Variants in WNK1 observed in about 807,000 individuals in gnomAD.
The protein encoded by WNK1 is WNK lysine deficient protein kinase 1, also known as serine/threonine-protein kinase WNK1.
Under a neutral mutation model 222.8 loss-of-function variants are expected in WNK1, and 38 were observed. The observed-to-expected ratio is 0.17, with a 90% CI of 0.13 to 0.22. The LOEUF is 0.22. WNK1 is among the 10% of genes least tolerant of loss of function. WNK1 has a pLI of 1.00. For missense variants in WNK1, 2,348 were observed against 2,918.4 expected (o/e 0.80, Z 4.50); for synonymous variants, 1,090 against 1,092.9 (o/e 1.00, Z 0.05).
chr12:892,221 C>T (rs1954313343), intron 22 of WNK1, among the ~76,000 whole-genome samples: 1 of 151,988 alleles, frequency 6.6e-6, no homozygotes, highest in Non-Finnish European at 1.5e-5. Context: ...TGCCATCCCT[C>T]CCCCGTCCCA....
chr12:898,110 G>A (rs984135033), intron 25 of WNK1, among the ~76,000 whole-genome samples: 8 of 152,114 alleles, frequency 5.3e-5, no homozygotes, highest in African/African-American at 9.7e-5. Context: ...GAATGTAATC[G>A]TCATATAGAT....
chr12:903,636 G>C (rs72650778), intron 26 of WNK1, among the ~76,000 whole-genome samples: 1 of 152,128 alleles, frequency 6.6e-6, no homozygotes, highest in African/African-American at 2.4e-5. Context: ...AAATGAAAGT[G>C]GTCAGAAATA....
intron 4 of WNK1, among the ~76,000 whole-genome samples, chr12:834,163 G>A (rs970538063): frequency 4.6e-5 from 7 of 152,158 alleles, no homozygotes; most frequent in African/African-American, 1.4e-4. Context: ...GCCAAACACC[G>A]TAGTACAATG....
At position 897,696 on chromosome 12, in the gene WNK1, A is replaced by T; in HGVS notation, c.6448+15A>T. 1 of 1,613,262 alleles carries T rather than the reference A, an allele frequency of 6.2e-7. No homozygotes were observed. The highest frequency in any genetic ancestry group is 8.5e-7 in the Non-Finnish European group (1 of 1,179,374). Reference sequence around the variant, plus strand: ...CCAGCTTTCAGGTAAAAAGCCCTGGACTAGGTCAGCCACAGCTGTCCTATC... The same window carrying T: ...CCAGCTTTCAGGTAAAAAGCCCTGGTCTAGGTCAGCCACAGCTGTCCTATC... On this transcript the variant is annotated intron_variant, in intron 25 of 27. Coordinates refer to ENST00000315939, the MANE Select transcript of WNK1 (RefSeq NM_018979.4).
chr12:787,908 G>T (rs1397559561), intron 1 of WNK1, among the ~76,000 whole-genome samples: 1 of 152,140 alleles, frequency 6.6e-6, no homozygotes, highest in Non-Finnish European at 1.5e-5. Flanking sequence ...AAACCATTAG[G>T]AGATTTTGTA....
Position 885,639 on chromosome 12 carries a change from C to T in WNK1, c.4835C>T (p.Ala1612Val). ...GTACAGCCTGTTGCCAATGTGCCTGCTGTACAGCAGACACTAATTCATAGT... is the reference window on the plus strand; with the variant it reads ...GTACAGCCTGTTGCCAATGTGCCTGTTGTACAGCAGACACTAATTCATAGT... ...PLVQPVANVPAVQQTLIHSQP... is the reference protein window; with the variant it reads ...PLVQPVANVPVVQQTLIHSQP... The change falls in exon 19 of 28, where the codon GCT becomes GTT. Residue 1612 changes from alanine to valine, a missense_variant. Physicochemically the swap from Ala to Val is moderately conservative, Grantham distance 64 (BLOSUM62 0). Transcript: ENST00000315939. The T allele has an allele frequency of 1.2e-6, 2 of 1,614,176 alleles. No individual in the cohort carries two copies. Among genetic ancestry groups the T allele is most frequent in the South Asian group, 2.2e-5 (2 of 91,082 alleles).
intron 14 of WNK1, 82 bp downstream of exon 14, chr12:882,155 C>A: frequency 7.1e-7 from 1 of 1,410,486 alleles, no homozygotes; most frequent in Non-Finnish European, 9.8e-7. Context: ...CAAATCCAAA[C>A]CACTCACTTC....
At chr12:860,939 TGGCG>T in intron 6 of WNK1, 70 bp from the exon 7 acceptor site, 2 of 1,152,372 alleles carry the variant, frequency 1.7e-6, no homozygotes, top group Admixed American at 2.6e-5. Flanking sequence ...TTTTTTTTTT[TGGCG>T]GGGGGTGGTG....
rs1940869587 is a variant in WNK1, at chr12:760,540, A to G, written c.759+6216A>G. The stretch of plus-strand genomic sequence containing the variant: ...TAAGTGTTATATAAAATATAACAGA[A>G]TACTTAAATATTCATTTAGAAGGCT... On this transcript the variant is annotated intron_variant, in intron 1 of 27. Transcript: ENST00000315939. 1.4e-5 allele frequency among the ~76,000 whole-genome samples: 2 copies of G among 147,962 alleles called. 1 individual carries two copies. Among genetic ancestry groups the G allele is most frequent in the South Asian group, 4.4e-4 (2 of 4,550 alleles).
intron 1 of WNK1, among the ~76,000 whole-genome samples, chr12:774,632 C>A (rs888527882): frequency 2.0e-5 from 3 of 152,180 alleles, no homozygotes; most frequent in African/African-American, 7.2e-5. Flanking sequence ...ATGATAAGGG[C>A]ATGAACATTT....
chr12:850,941 G>GT (rs1312082767), intron 4 of WNK1, among the ~76,000 whole-genome samples: 1 of 152,032 alleles, frequency 6.6e-6, no homozygotes, highest in Non-Finnish European at 1.5e-5. Context: ...CTCTGTTTTG[G>GT]TACCAGTACC....
At position 910,711 on chromosome 12, in the gene WNK1, CACT is replaced by C. The variant is rs981097333; in HGVS notation, c.*1922_*1924del. 6.6e-6 allele frequency: 1 copy of C among 152,508 alleles called. No individual in the cohort carries two copies. Among genetic ancestry groups the C allele is most frequent in the African/African-American group, 2.4e-5 (1 of 41,444 alleles). The allele number at this position is 152,508 out of a possible 1,614,324, so 9.4% of individuals were successfully genotyped here. A position where few individuals can be genotyped will look rare whatever the true frequency, so the allele number is the denominator to read the frequency against. On this transcript the variant is annotated 3_prime_UTR_variant, in exon 28 of 28. Transcript: ENST00000315939. Reference sequence around the variant, plus strand: ...TTCTGGGAATCACCACCACCACCACCACTACCACAGAAAGAGGCTGGAGGCTCC... The same window carrying C: ...TTCTGGGAATCACCACCACCACCACCACCACAGAAAGAGGCTGGAGGCTCC...
At chr12:828,992 T>C (rs1204485148) in intron 3 of WNK1, among the ~76,000 whole-genome samples, 2 of 152,270 alleles carry the variant, frequency 1.3e-5, no homozygotes, top group Non-Finnish European at 2.9e-5. Context: ...CATTTTCTTA[T>C]AATACATTCA....
At chr12:879,513 C>CTTT (rs10717495) in intron 10 of WNK1, 60 bp from the exon 11 acceptor site, 732 of 402,488 alleles carry the variant, frequency 1.8e-3, no homozygotes, top group African/African-American at 4.7e-3. Context: ...GGCAGCCTTG[C>CTTT]TTTTTTTTTT....
intron 1 of WNK1, among the ~76,000 whole-genome samples, chr12:764,146 T>C (rs1039955455): frequency 2.0e-5 from 3 of 146,440 alleles, no homozygotes; most frequent in East Asian, 2.0e-4. Flanking sequence ...TATGAAGAGA[T>C]AGAAAAATTA....
At chr12:864,251 G>A (rs1222077167) in intron 8 of WNK1, among the ~76,000 whole-genome samples, 3 of 151,720 alleles carry the variant, frequency 2.0e-5, no homozygotes, top group Non-Finnish European at 4.4e-5. Context: ...AAGATTACAG[G>A]CACCCATCAC....
At position 861,210 on chromosome 12, in the gene WNK1, C is replaced by T. The variant is rs754028780; in HGVS notation, c.1818C>T (p.Leu606=). 1.2e-5 allele frequency: 19 copies of T among 1,613,924 alleles called. No homozygotes were observed. Among genetic ancestry groups the T allele is most frequent in the Non-Finnish European group, 1.4e-5 (17 of 1,180,016 alleles). ...SSASQTGIKQ[L]PSASTGIPTA... ...CTTCCCAGACAGGAATCAAGCAGCT[C>T]CCTTCTGCTAGCACCGGCATACCTA... Residue 606 remains leucine (L), a synonymous_variant, in exon 7 of 28, where the codon CTC becomes CTT. Coordinates refer to ENST00000315939, the MANE Select transcript of WNK1 (RefSeq NM_018979.4).
At chr12:896,883 C>G in intron 24 of WNK1, 151 bp downstream of exon 24, 1 of 582,436 alleles carries the variant, frequency 1.7e-6, no homozygotes, top group South Asian at 1.9e-5. Context: ...CCATACCTCC[C>G]CACCACACAC....
In WNK1 at chr12:911,076, CAAAA is replaced by C. The variant is rs1005268165; in HGVS notation, c.*2288_*2291del. On this transcript the variant is annotated 3_prime_UTR_variant, in exon 28 of 28. Transcript: ENST00000315939. Reference sequence around the variant, plus strand: ...ATTTTGACATCTTTTCACTCATACACAAAAAAAGTCAGAACTGGTGTTATTTACT... The same window carrying C: ...ATTTTGACATCTTTTCACTCATACACAAAGTCAGAACTGGTGTTATTTACT... 1.0e-5 allele frequency: 4 copies of C among 385,362 alleles called. No homozygotes were observed. Among genetic ancestry groups the C allele is most frequent in the East Asian group, 3.7e-5 (1 of 26,944 alleles). 23.9% of individuals were successfully genotyped at this position (385,362 alleles called of 1,614,324 possible). A position where few individuals can be genotyped will look rare whatever the true frequency, so the allele number is the denominator to read the frequency against.
Sources: allele counts gnomAD v4.1 joint callset (sites outside exome capture counted in the v4.1 genomes callset), GRCh38; gene constraint gnomAD v4.1.1; transcripts MANE v1.5; gene names NCBI Gene and HGNC (gene_info 2026-07-23, HGNC 2026-07-21).